Variants in RASGRF2 observed in about 807,000 individuals in gnomAD.
RASGRF2 encodes the protein ras-specific guanine nucleotide-releasing factor 2.
A neutral mutation model predicts 151.0 loss-of-function variants in RASGRF2; 76 were observed. The observed-to-expected ratio is 0.50, with a 90% CI of 0.42 to 0.61. The LOEUF (loss-of-function observed/expected upper bound fraction) is 0.61. Among genes scored for constraint, RASGRF2 ranks in the 20% least tolerant of loss-of-function variants. The probability of loss-of-function intolerance (pLI) is 0.00; values close to 1 mark genes in which losing one functional copy is unlikely to be tolerated. For missense variants in RASGRF2, 1,148 were observed against 1,564.6 expected (o/e 0.73, Z 4.49); for synonymous variants, 504 against 566.5 (o/e 0.89, Z 1.57).
chr5:81,188,190 C>T (rs1200932289), intron 18 of RASGRF2, among the ~76,000 whole-genome samples: 2 of 152,200 alleles, frequency 1.3e-5, no homozygotes, highest in African/African-American at 4.8e-5. Context: ...CTGTCACACT[C>T]CTGGCCTGGT....
intron 17 of RASGRF2, among the ~76,000 whole-genome samples, chr5:81,165,472 A>C (rs1045686132): frequency 3.3e-5 from 5 of 152,220 alleles, no homozygotes; most frequent in Admixed American, 2.0e-4. Context: ...ACTGGACCCC[A>C]AAGCGAGGCC....
At chr5:81,064,777 G>C (rs1751545979) in intron 2 of RASGRF2, among the ~76,000 whole-genome samples, 1 of 152,162 alleles carries the variant, frequency 6.6e-6, no homozygotes, top group South Asian at 2.1e-4. Flanking sequence ...AGCCCACACA[G>C]CTGGAAACTG....
intron 6 of RASGRF2, 118 bp downstream of exon 6, chr5:81,080,318 C>A: frequency 1.3e-6 from 2 of 1,500,758 alleles, no homozygotes; most frequent in Non-Finnish European, 8.9e-7. Flanking sequence ...CTGTGAGCTT[C>A]TGTATCCCGG....
At chr5:81,131,316 G>A (rs1753611389) in intron 17 of RASGRF2, among the ~76,000 whole-genome samples, 1 of 152,056 alleles carries the variant, frequency 6.6e-6, no homozygotes, top group South Asian at 2.1e-4. Context: ...GTCTCAGCCT[G>A]CCTAATTTCC....
chr5:81,059,840 CCAAAAAACAAAAAA>C (rs149760659), intron 2 of RASGRF2, among the ~76,000 whole-genome samples: 1 of 150,588 alleles, frequency 6.6e-6, no homozygotes, highest in Admixed American at 6.6e-5. Flanking sequence ...GGAGACTCCA[CCAAAAAACAAAAAA>C]CAAAAAACAA....
At chr5:81,193,778 G>A (rs558858365) in intron 18 of RASGRF2, among the ~76,000 whole-genome samples, 130 of 152,154 alleles carry the variant, frequency 8.5e-4, no homozygotes, top group Non-Finnish European at 1.6e-3. Flanking sequence ...TCAGCCTCCC[G>A]TAGTGCTGGG....
chr5:81,164,128 C>T (rs938256171), intron 17 of RASGRF2, among the ~76,000 whole-genome samples: 1 of 152,050 alleles, frequency 6.6e-6, no homozygotes, highest in East Asian at 1.9e-4. Flanking sequence ...ATTATAGTAA[C>T]AATAATGTTT....
rs147910891 is a variant in RASGRF2 at position 81,123,918 on chromosome 5, G to C, written c.2596+151G>C. 3.5e-5 allele frequency: 37 copies of C among 1,042,358 alleles called. 1 individual carries two copies. The African/African-American group carries it at 4.1e-4, about 11-fold the overall frequency. The allele number at this position is 1,042,358 out of a possible 1,614,324, so 64.6% of individuals were successfully genotyped here. On this transcript the variant is annotated intron_variant, in intron 16 of 26. Transcript: ENST00000265080. ...TGGAAGCAAATACAGTCGGCCCTTTGTATCTGTGGGTTCCACATCCATGGG... is the reference window on the plus strand; with the variant it reads ...TGGAAGCAAATACAGTCGGCCCTTTCTATCTGTGGGTTCCACATCCATGGG...
intron 1 of RASGRF2, among the ~76,000 whole-genome samples, chr5:81,029,449 C>T (rs1750158109): frequency 6.6e-6 from 1 of 152,204 alleles, no homozygotes; most frequent in Non-Finnish European, 1.5e-5. Context: ...TGAGATGAAG[C>T]TTCCACAGGA....
intron 7 of RASGRF2, among the ~76,000 whole-genome samples, chr5:81,084,260 T>G (rs1372176992): frequency 2.0e-5 from 3 of 152,216 alleles, no homozygotes; most frequent in African/African-American, 7.2e-5. Flanking sequence ...ATGAAAAATT[T>G]TGTACATTAG....
intron 22 of RASGRF2, chr5:81,210,094 C>T (rs1755597692): frequency 6.6e-6 from 1 of 152,576 alleles, no homozygotes; most frequent in Non-Finnish European, 1.5e-5. Flanking sequence ...CATCTCTCCC[C>T]TGCAACCTCA....
At chr5:81,042,041 A>G (rs10062467) in intron 1 of RASGRF2, among the ~76,000 whole-genome samples, 17,181 of 152,140 alleles carry the variant, frequency 0.11, 1,245 homozygotes, top group Non-Finnish European at 0.16. Flanking sequence ...TTGCTGAGTA[A>G]TATTCCATTG....
At position 81,070,202 on chromosome 5, in the gene RASGRF2, C is replaced by T. The variant is rs549331323; in HGVS notation, c.544-290C>T. 13 of 347,818 alleles carry T rather than the reference C, an allele frequency of 3.7e-5. No homozygotes were observed. In the East Asian group the frequency reaches 4.3e-4, roughly 12 times the overall value. The allele number at this position is 347,818 out of a possible 1,614,324, so 21.5% of individuals were successfully genotyped here. On this transcript the variant is annotated intron_variant, in intron 3 of 26. Coordinates refer to ENST00000265080, the MANE Select transcript of RASGRF2 (RefSeq NM_006909.3). The stretch of plus-strand genomic sequence containing the variant: ...CACTGGACTCCTGACAAGGTCTTGG[C>T]GGGCTCACCACTGGCAGCTGGGGCT...
At chr5:80,971,095 G>A (rs1747916040) in intron 1 of RASGRF2, among the ~76,000 whole-genome samples, 1 of 152,084 alleles carries the variant, frequency 6.6e-6, no homozygotes, top group African/African-American at 2.4e-5. Flanking sequence ...TCAAAATGTA[G>A]CGTACATCAG....
intron 18 of RASGRF2, among the ~76,000 whole-genome samples, chr5:81,188,900 A>T (rs1755094392): frequency 6.6e-6 from 1 of 152,206 alleles, no homozygotes; most frequent in Non-Finnish European, 1.5e-5. Context: ...TGAGATGCAG[A>T]CCGCTCAAAA....
Position 81,113,768 on chromosome 5 carries a change from C to T in RASGRF2, c.2318C>T (p.Pro773Leu), listed in dbSNP as rs1561212942. ...SSSPTTTTQS[P>L]AASPPPHTGQ... The stretch of plus-strand genomic sequence containing the variant: ...AGTCCCACCACCACCACCCAGAGTC[C>T]CGCTGCGTCTCCACCACCACACACT... Residue 773 changes from proline to leucine, a missense_variant, in exon 15 of 27, where the codon CCC (proline) becomes CTC (leucine). Coordinates refer to ENST00000265080, the MANE Select transcript of RASGRF2 (RefSeq NM_006909.3). 6.2e-7 allele frequency: 1 copy of T among 1,614,118 alleles called. No individual in the cohort carries two copies. Among genetic ancestry groups the T allele is most frequent in the East Asian group, 2.2e-5 (1 of 44,876 alleles).
At chr5:81,211,074 A>G (rs559415435) in intron 22 of RASGRF2, among the ~76,000 whole-genome samples, 64 of 150,970 alleles carry the variant, frequency 4.2e-4, no homozygotes, top group African/African-American at 1.5e-3. Flanking sequence ...AGCCCTGGAC[A>G]TCGAGGCTCC....
intron 9 of RASGRF2, among the ~76,000 whole-genome samples, chr5:81,088,988 A>G (rs914597891): frequency 6.6e-6 from 1 of 152,148 alleles, no homozygotes; most frequent in African/African-American, 2.4e-5. Context: ...CAATATAATG[A>G]TTTGCCTTTT....
At chr5:81,021,094 G>A (rs560239467) in intron 1 of RASGRF2, among the ~76,000 whole-genome samples, 2 of 152,326 alleles carry the variant, frequency 1.3e-5, no homozygotes, top group East Asian at 3.9e-4. Flanking sequence ...AGTATGGTGT[G>A]CATTGGAAGA....
Sources: gnomAD v4.1 joint callset for allele counts (sites outside exome capture counted in the v4.1 genomes callset) on GRCh38, gnomAD v4.1.1 for gene constraint, MANE v1.5 for transcripts, NCBI Gene and HGNC (gene_info 2026-07-23, HGNC 2026-07-21) for gene names.